The following AFG2A variants were observed in gnomAD, a reference collection of about 807,000 sequenced individuals.
AFG2A encodes the protein AAA ATPase AFG2A.
chr4:123,244,486 A>T, the AFG2A span, among the ~76,000 whole-genome samples: 1 of 152,174 alleles, frequency 6.6e-6, no homozygotes, highest in Non-Finnish European at 1.5e-5. Context: ...CCACTGTGCA[A>T]CCCATCAGTC....
the AFG2A span, among the ~76,000 whole-genome samples, chr4:122,973,153 G>A: frequency 1.1e-4 from 16 of 152,104 alleles, no homozygotes; most frequent in African/African-American, 3.6e-4. Flanking sequence ...TACCCCGAGT[G>A]TCTGGTGATG....
At chr4:123,149,768 G>T in the AFG2A span, among the ~76,000 whole-genome samples, 3,285 of 139,004 alleles carry the variant, frequency 0.024, 65 homozygotes, top group Non-Finnish European at 0.036. Flanking sequence ...TAAAACTTTT[G>T]AATTTCCTAA....
At chr4:123,185,898 AAAAG>A in the AFG2A span, among the ~76,000 whole-genome samples, 3,337 of 152,226 alleles carry the variant, frequency 0.022, 64 homozygotes, top group Non-Finnish European at 0.035. Context: ...CTAAAAAAAA[AAAAG>A]AAAGAAAGAA....
chr4:123,141,928 A>G, the AFG2A span, among the ~76,000 whole-genome samples: 3,258 of 152,168 alleles, frequency 0.021, 113 homozygotes, highest in African/African-American at 0.074. Flanking sequence ...GGATATATGT[A>G]TTTTAAGACC....
the AFG2A span, chr4:122,979,394 A>T: frequency 9.3e-6 from 15 of 1,613,596 alleles, no homozygotes; most frequent in Non-Finnish European, 1.3e-5. Flanking sequence ...AATGTAAGTC[A>T]TTTATGTCCC....
At chr4:123,065,918 G>A in the AFG2A span, among the ~76,000 whole-genome samples, 4 of 152,130 alleles carry the variant, frequency 2.6e-5, no homozygotes, top group East Asian at 7.7e-4. Flanking sequence ...ATGTATTGGG[G>A]TATTGTTTTA....
chr4:122,947,262 T>G, the AFG2A span: 1 of 1,611,086 alleles, frequency 6.2e-7, no homozygotes, highest in Non-Finnish European at 8.5e-7. Context: ...TGTTGGTTCT[T>G]GGGGCCACAA....
the AFG2A span, among the ~76,000 whole-genome samples, chr4:122,958,559 A>T: frequency 6.6e-6 from 1 of 152,298 alleles, no homozygotes; most frequent in Non-Finnish European, 1.5e-5. Flanking sequence ...CTTAGAGCAA[A>T]GAGTCTTAAA....
chr4:122,955,841 TCA>T, the AFG2A span, among the ~76,000 whole-genome samples: 2 of 152,342 alleles, frequency 1.3e-5, no homozygotes, highest in African/African-American at 4.8e-5. Context: ...GGACTGGGTC[TCA>T]CTCTGTCTAG....
At chr4:123,174,086 T>C in the AFG2A span, among the ~76,000 whole-genome samples, 1 of 152,168 alleles carries the variant, frequency 6.6e-6, no homozygotes, top group Non-Finnish European at 1.5e-5. Flanking sequence ...TGTGGGCAAA[T>C]TATTAGAACT....
the AFG2A span, among the ~76,000 whole-genome samples, chr4:122,968,439 A>G: frequency 6.6e-6 from 1 of 152,186 alleles, no homozygotes; most frequent in African/African-American, 2.4e-5. Flanking sequence ...ACCCTTTCCC[A>G]GCCCTACATG....
chr4:123,023,519 T>G, the AFG2A span, among the ~76,000 whole-genome samples: 1 of 152,326 alleles, frequency 6.6e-6, no homozygotes, highest in Non-Finnish European at 1.5e-5. Flanking sequence ...CTATAATATT[T>G]CCTTCTAACT....
chr4:123,296,924 T>G, the AFG2A span, among the ~76,000 whole-genome samples: 1 of 152,190 alleles, frequency 6.6e-6, no homozygotes, highest in Non-Finnish European at 1.5e-5. Flanking sequence ...CTACTCAGAA[T>G]TATAGCATGA....
At chr4:123,095,748 T>C in the AFG2A span, among the ~76,000 whole-genome samples, 1 of 152,092 alleles carries the variant, frequency 6.6e-6, no homozygotes, top group African/African-American at 2.4e-5. Flanking sequence ...GAAATTGATA[T>C]ATATAGTGTA....
chr4:123,206,217 T>C, the AFG2A span, among the ~76,000 whole-genome samples: 1 of 152,102 alleles, frequency 6.6e-6, no homozygotes, highest in African/African-American at 2.4e-5. Context: ...TACATTCTTT[T>C]GTTTAAAATG....
chr4:122,984,406 CA>C, the AFG2A span, among the ~76,000 whole-genome samples: 1 of 152,066 alleles, frequency 6.6e-6, no homozygotes, highest in Non-Finnish European at 1.5e-5. Context: ...TCAGCAGTGA[CA>C]GTTTTTCCTC....
the AFG2A span, among the ~76,000 whole-genome samples, chr4:123,214,127 A>G: frequency 3.0e-4 from 46 of 152,266 alleles, no homozygotes; most frequent in South Asian, 7.1e-3. Context: ...AATTCTTTAA[A>G]TAGTAGAAAT....
chr4:123,245,062 C>G, the AFG2A span, among the ~76,000 whole-genome samples: 1 of 151,976 alleles, frequency 6.6e-6, no homozygotes, highest in Non-Finnish European at 1.5e-5. Flanking sequence ...AGTACATGGC[C>G]TGGGAGTAGA....
the AFG2A span, among the ~76,000 whole-genome samples, chr4:123,054,598 G>A: frequency 6.6e-6 from 1 of 151,940 alleles, no homozygotes; most frequent in Non-Finnish European, 1.5e-5. Context: ...GGCACCTGTA[G>A]TCCCAGCTAC....
Sources: gnomAD v4.1 joint callset for allele counts (sites outside exome capture counted in the v4.1 genomes callset) on GRCh38, gnomAD v4.1.1 for gene constraint, MANE v1.5 for transcripts, NCBI Gene and HGNC (gene_info 2026-07-23, HGNC 2026-07-21) for gene names.